The following ADAMTSL1 variants were observed in gnomAD, a reference collection of about 807,000 sequenced individuals.
The protein encoded by ADAMTSL1 is ADAMTS like 1, also known as ADAMTS-like protein 1.
Under a neutral mutation model 201.8 loss-of-function variants are expected in ADAMTSL1, and 126 were observed. The observed-to-expected ratio is 0.62, with a 90% CI of 0.54 to 0.72. ADAMTSL1 has a LOEUF of 0.72. Among genes scored for constraint, ADAMTSL1 ranks in the 30% least tolerant of loss-of-function variants. ADAMTSL1 has a pLI of 0.00. For missense variants in ADAMTSL1, 2,679 were observed against 2,277.8 expected (o/e 1.18, Z -3.59); for synonymous variants, 1,121 against 903.4 (o/e 1.24, Z -4.32).
intron 1 of ADAMTSL1, among the ~76,000 whole-genome samples, chr9:18,051,795 C>G (rs964706189): frequency 2.0e-5 from 3 of 152,150 alleles, no homozygotes; most frequent in Non-Finnish European, 2.9e-5. Context: ...ATTTCTCTCT[C>G]TGTTGGTTTG....
chr9:18,244,005 C>T (rs968184766), intron 2 of ADAMTSL1, among the ~76,000 whole-genome samples: 5 of 152,002 alleles, frequency 3.3e-5, no homozygotes, highest in Non-Finnish European at 7.4e-5. Context: ...TATGATTTTG[C>T]ATTTTTCCTT....
intron 20 of ADAMTSL1, among the ~76,000 whole-genome samples, chr9:18,797,764 G>A (rs1046817160): frequency 2.0e-5 from 3 of 152,272 alleles, no homozygotes; most frequent in South Asian, 2.1e-4. Context: ...GTTGTTGTGA[G>A]GTTAAGTAAG....
intron 23 of ADAMTSL1, among the ~76,000 whole-genome samples, chr9:18,874,115 G>A (rs577083941): frequency 1.1e-4 from 17 of 152,102 alleles, no homozygotes; most frequent in African/African-American, 3.6e-4. Context: ...TTGTATAGCA[G>A]GGCTACTGAT....
intron 2 of ADAMTSL1, among the ~76,000 whole-genome samples, chr9:18,165,508 G>T (rs1827592505): frequency 6.6e-6 from 1 of 151,750 alleles, no homozygotes; most frequent in African/African-American, 2.4e-5. Flanking sequence ...AACTGTCCAT[G>T]CTGTTGAATT....
intron 2 of ADAMTSL1, among the ~76,000 whole-genome samples, chr9:18,233,894 C>G (rs1329090754): frequency 6.6e-6 from 1 of 152,176 alleles, no homozygotes; most frequent in Non-Finnish European, 1.5e-5. Flanking sequence ...GATTTGACTT[C>G]ATCTCTCAAA....
intron 9 of ADAMTSL1, among the ~76,000 whole-genome samples, chr9:18,670,964 T>C (rs1324790732): frequency 2.0e-5 from 3 of 151,256 alleles, no homozygotes; most frequent in East Asian, 3.9e-4. Flanking sequence ...ATCCACCCTC[T>C]GTGTACTTTA....
intron 1 of ADAMTSL1, among the ~76,000 whole-genome samples, chr9:18,033,830 T>C (rs1821079649): frequency 6.6e-6 from 1 of 152,250 alleles, no homozygotes; most frequent in Non-Finnish European, 1.5e-5. Flanking sequence ...CCCTCTCTTA[T>C]ACATGTCTGC....
At chr9:18,860,894 C>T (rs1827171843) in intron 23 of ADAMTSL1, among the ~76,000 whole-genome samples, 1 of 152,220 alleles carries the variant, frequency 6.6e-6, no homozygotes, top group Admixed American at 6.5e-5. Context: ...AGTAAGCGTA[C>T]TTGCTCTGTC....
At chr9:18,696,613 A>T (rs1475465205) in intron 13 of ADAMTSL1, among the ~76,000 whole-genome samples, 3 of 152,144 alleles carry the variant, frequency 2.0e-5, no homozygotes, top group Non-Finnish European at 4.4e-5. Flanking sequence ...AGACGATGTT[A>T]TCTTCAGTGA....
chr9:18,277,759 C>T (rs575244965), intron 2 of ADAMTSL1, among the ~76,000 whole-genome samples: 1 of 152,256 alleles, frequency 6.6e-6, no homozygotes, highest in African/African-American at 2.4e-5. Context: ...AGAATTTAAT[C>T]TATTTACAAT....
chr9:18,683,174 A>G (rs6475237), intron 12 of ADAMTSL1, among the ~76,000 whole-genome samples: 62,065 of 151,770 alleles, frequency 0.41, 13,015 homozygotes, highest in Non-Finnish European at 0.47. Flanking sequence ...TCCTTATTGA[A>G]AGACAGAGAG....
intron 2 of ADAMTSL1, among the ~76,000 whole-genome samples, chr9:18,525,712 A>G (rs1312587865): frequency 6.6e-6 from 1 of 152,186 alleles, no homozygotes; most frequent in Non-Finnish European, 1.5e-5. Context: ...CCCAGTAGTC[A>G]TTCAGGAGCA....
chr9:18,386,793 G>C (rs1360057449), intron 2 of ADAMTSL1, among the ~76,000 whole-genome samples: 1 of 152,018 alleles, frequency 6.6e-6, no homozygotes, highest in Non-Finnish European at 1.5e-5. Context: ...GAATTTCTTT[G>C]CTGTTTTGGA....
intron 13 of ADAMTSL1, among the ~76,000 whole-genome samples, chr9:18,692,789 G>C (rs1373749182): frequency 2.6e-5 from 4 of 152,150 alleles, no homozygotes; most frequent in Non-Finnish European, 4.4e-5. Context: ...CCAATATTAA[G>C]CTGAGAACTA....
At chr9:18,193,295 G>A (rs1412080756) in intron 2 of ADAMTSL1, among the ~76,000 whole-genome samples, 1 of 152,134 alleles carries the variant, frequency 6.6e-6, no homozygotes, top group African/African-American at 2.4e-5. Flanking sequence ...AATGCAAGTT[G>A]ACTAGGAATG....
intron 1 of ADAMTSL1, among the ~76,000 whole-genome samples, chr9:17,935,915 TC>T (rs1240692706): frequency 6.6e-6 from 1 of 152,154 alleles, no homozygotes; most frequent in East Asian, 1.9e-4. Flanking sequence ...GTGCTTCCCA[TC>T]TTCCACATGG....
At chr9:18,065,526 C>A (rs1192571638) in intron 1 of ADAMTSL1, among the ~76,000 whole-genome samples, 1 of 152,058 alleles carries the variant, frequency 6.6e-6, no homozygotes, top group Non-Finnish European at 1.5e-5. Context: ...ATATCACCAC[C>A]ATAAGTGAAA....
chr9:18,131,192 T>G (rs969872389), intron 1 of ADAMTSL1, among the ~76,000 whole-genome samples: 1 of 152,212 alleles, frequency 6.6e-6, no homozygotes, highest in African/African-American at 2.4e-5. Context: ...GGGTCTTACT[T>G]ATTTTGAGTA....
At chr9:18,225,162 C>T (rs1442205531) in intron 2 of ADAMTSL1, among the ~76,000 whole-genome samples, 2 of 152,096 alleles carry the variant, frequency 1.3e-5, no homozygotes, top group Non-Finnish European at 1.5e-5. Context: ...ATATTTTAAC[C>T]TCTCAAAAGC....
Sources: allele counts gnomAD v4.1 joint callset (sites outside exome capture counted in the v4.1 genomes callset), GRCh38; gene constraint gnomAD v4.1.1; transcripts MANE v1.5; gene names NCBI Gene and HGNC (gene_info 2026-07-23, HGNC 2026-07-21).